The following ABHD12 variants were observed in gnomAD, a reference collection of about 807,000 sequenced individuals.
ABHD12 encodes lysophosphatidylserine lipase ABHD12.
ABHD12 carries 43 observed loss-of-function variants against 58.3 expected under a neutral mutation model. The ratio of observed to expected loss-of-function variants is 0.74; its 90% confidence interval spans 0.58 to 0.95. The LOEUF (loss-of-function observed/expected upper bound fraction) is 0.95. Among genes scored for constraint, ABHD12 ranks in the 40% least tolerant of loss-of-function variants. The pLI is 0.00. For missense variants in ABHD12, 539 were observed against 537.2 expected (o/e 1.00, Z -0.03); for synonymous variants, 219 against 211.2 (o/e 1.04, Z -0.32).
At chr20:25,384,558 A>C (rs1332199045) in intron 1 of ABHD12, among the ~76,000 whole-genome samples, 1 of 152,108 alleles carries the variant, frequency 6.6e-6, no homozygotes, top group African/African-American at 2.4e-5. Flanking sequence ...CAGCCTGGGC[A>C]ACATGGCAAA....
At position 25,328,316 on chromosome 20, in the gene ABHD12, C is replaced by G. The variant is rs2089210744; in HGVS notation, c.317-4886G>C. 2.0e-5 allele frequency among the ~76,000 whole-genome samples: 3 copies of G among 152,290 alleles called. No individual in the cohort carries two copies. In the South Asian group the frequency reaches 6.2e-4, roughly 32 times the overall value. On this transcript the variant is annotated intron_variant, in intron 2 of 12. Coordinates refer to ENST00000339157, the MANE Select transcript of ABHD12 (RefSeq NM_001042472.3). ...CACTTTGGGAGCCTGAGAGCTGCAG[C>G]CCAGGGTGCAAGTCTATAATCTGAC...
chr20:25,321,010 T>C (rs2089056509), intron 3 of ABHD12, among the ~76,000 whole-genome samples: 1 of 152,230 alleles, frequency 6.6e-6, no homozygotes, highest in Non-Finnish European at 1.5e-5. Flanking sequence ...TCTGTAAAGC[T>C]TATTCAAATT....
At chr20:25,312,703 T>C (rs1568719215) in intron 6 of ABHD12, among the ~76,000 whole-genome samples, 4 of 149,728 alleles carry the variant, frequency 2.7e-5, no homozygotes, top group Admixed American at 1.3e-4. Context: ...GGAGCGCCTC[T>C]TCCCGGCCGC....
Position 25,300,833 on chromosome 20 carries a change from C to T in ABHD12, c.*12G>A. On this transcript the variant is annotated 3_prime_UTR_variant, in exon 13 of 13. Coordinates refer to ENST00000339157, the MANE Select transcript of ABHD12 (RefSeq NM_001042472.3). ...GGGCAGAGGTCTTCATGCTTCCTTC[C>T]CACGGCCAGGCTCAGTGCTGGTGCT... 2 of 1,614,096 alleles carry T rather than the reference C, an allele frequency of 1.2e-6. No homozygotes were observed. The highest frequency in any genetic ancestry group is 1.1e-5 in the South Asian group (1 of 91,076).
At chr20:25,382,420 C>T (rs2090032863) in intron 1 of ABHD12, among the ~76,000 whole-genome samples, 1 of 152,014 alleles carries the variant, frequency 6.6e-6, no homozygotes, top group Non-Finnish European at 1.5e-5. Flanking sequence ...AGTCCTGTGG[C>T]GTCATCTCTG....
chr20:25,352,436 G>A (rs1439788941), intron 1 of ABHD12, among the ~76,000 whole-genome samples: 2 of 151,670 alleles, frequency 1.3e-5, no homozygotes, highest in South Asian at 2.1e-4. Flanking sequence ...CTACAGGCAC[G>A]TGCCACCACA....
rs1234297732 is a variant in ABHD12, at chr20:25,320,325, A to G, written c.423-7T>C. The G allele has an allele frequency of 7.4e-6, 12 of 1,613,420 alleles. No individual in the cohort carries two copies. In the South Asian group the frequency reaches 9.9e-5, roughly 13 times the overall value. On this transcript the variant is annotated splice_region_variant and splice_polypyrimidine_tract_variant and intron_variant, in intron 3 of 12. Coordinates refer to ENST00000339157, the MANE Select transcript of ABHD12 (RefSeq NM_001042472.3). Reference sequence around the variant, plus strand: ...GACTGCAGGGACGGTGTGCCTGCAGACAGAAGCAGAGGGGAGCGCAGGATC... The same window carrying G: ...GACTGCAGGGACGGTGTGCCTGCAGGCAGAAGCAGAGGGGAGCGCAGGATC...
chr20:25,309,406 T>C, intron 7 of ABHD12, 40 bp downstream of exon 7: 1 of 1,613,506 alleles, frequency 6.2e-7, no homozygotes, highest in Admixed American at 1.7e-5. Context: ...CCAGGAATAC[T>C]GACTCCCACT....
At chr20:25,297,018 TG>T (rs1399315062), downstream of ABHD12, 1 of 164,512 alleles carries the variant, frequency 6.1e-6, no homozygotes, top group African/African-American at 2.4e-5. Flanking sequence ...CCCTGCCTCC[TG>T]GCCATGCCGG....
chr20:25,295,811 G>T, downstream of ABHD12: 1 of 929,328 alleles, frequency 1.1e-6, no homozygotes, highest in Non-Finnish European at 1.7e-6. Context: ...GTCATCAGTC[G>T]GCTGTGCCTG....
chr20:25,384,045 G>C (rs1184453224), intron 1 of ABHD12, among the ~76,000 whole-genome samples: 2 of 150,574 alleles, frequency 1.3e-5, no homozygotes, highest in Non-Finnish European at 3.0e-5. Flanking sequence ...AGGAGGCTGA[G>C]GCAGGAGAAT....
chr20:25,346,228 G>C (rs532024988), intron 1 of ABHD12, among the ~76,000 whole-genome samples: 2 of 152,232 alleles, frequency 1.3e-5, no homozygotes, highest in East Asian at 3.9e-4. Context: ...ATCTCAAAAG[G>C]CTACATACTA....
chr20:25,322,379 A>ATTTTTTTTT (rs1290185808), intron 3 of ABHD12, among the ~76,000 whole-genome samples: 1 of 53,718 alleles, frequency 1.9e-5, no homozygotes, highest in African/African-American at 7.6e-5. Context: ...ATATATATAT[A>ATTTTTTTTT]TATTTTTTTT....
chr20:25,342,198 A>G lies in ABHD12; in HGVS notation c.192-2847T>C, dbSNP rs564084629. 1.3e-4 allele frequency among the ~76,000 whole-genome samples: 20 copies of G among 152,308 alleles called. No homozygotes were observed. The South Asian group carries it at 3.9e-3, about 30-fold the overall frequency. On this transcript the variant is annotated intron_variant, in intron 1 of 12. Transcript: ENST00000339157. ...TGGCCATCAATGAGTGAATGGATAAACAAACCATGGTATGCCCTTAGAATG... is the reference window on the plus strand; with the variant it reads ...TGGCCATCAATGAGTGAATGGATAAGCAAACCATGGTATGCCCTTAGAATG...
intron 1 of ABHD12, 99 bp from the exon 2 acceptor site, chr20:25,339,450 A>T: frequency 6.3e-7 from 1 of 1,576,052 alleles, no homozygotes; most frequent in Non-Finnish European, 8.7e-7. Context: ...AGAGCCACAC[A>T]TATTTTTTTT....
At chr20:25,375,456 A>C (rs986712757) in intron 1 of ABHD12, among the ~76,000 whole-genome samples, 1 of 152,104 alleles carries the variant, frequency 6.6e-6, no homozygotes, top group African/African-American at 2.4e-5. Context: ...GTGCTGATCA[A>C]GGGGACCCTC....
chr20:25,339,351 C>T lies in ABHD12; in HGVS notation c.192G>A (p.Arg64=). Residue 64 remains arginine, a splice_region_variant and synonymous_variant, in exon 2 of 13, where the codon AGG becomes AGA. Coordinates refer to ENST00000339157, the MANE Select transcript of ABHD12 (RefSeq NM_001042472.3). ...TCAGGCGCAACCACACGCCCTTTCG[C>T]CTGCAAGAGAAAAGCAATGAATAGG... ...ADAGMKRALG[R]RKGVWLRLRK... is the part of the protein sequence containing the mutation. The T allele has an allele frequency of 1.9e-6, 3 of 1,614,094 alleles. 1 individual carries two copies. Among genetic ancestry groups the T allele is most frequent in the East Asian group, 4.5e-5 (2 of 44,872 alleles).
chr20:25,349,517 C>T (rs2089570329), intron 1 of ABHD12, among the ~76,000 whole-genome samples: 1 of 152,062 alleles, frequency 6.6e-6, no homozygotes, highest in Non-Finnish European at 1.5e-5. Context: ...AATAAATTGA[C>T]AAATGAACAG....
chr20:25,390,399 G>C (rs779830056), intron 1 of ABHD12, 114 bp downstream of exon 1: 20 of 1,078,526 alleles, frequency 1.9e-5, no homozygotes, highest in Non-Finnish European at 2.4e-5. Flanking sequence ...GCCGCGGATC[G>C]GGCGGACGGC....
Sources: gnomAD v4.1 joint callset for allele counts (sites outside exome capture counted in the v4.1 genomes callset) on GRCh38, gnomAD v4.1.1 for gene constraint, MANE v1.5 for transcripts, NCBI Gene and HGNC (gene_info 2026-07-23, HGNC 2026-07-21) for gene names.